The following ZRANB3 variants were observed in gnomAD, a reference collection of about 807,000 sequenced individuals.
The protein encoded by ZRANB3 is DNA annealing helicase and endonuclease ZRANB3.
Under a neutral mutation model 133.8 loss-of-function variants are expected in ZRANB3, and 125 were observed. The ratio of observed to expected loss-of-function variants is 0.93; its 90% confidence interval spans 0.81 to 1.08. The LOEUF (loss-of-function observed/expected upper bound fraction) is 1.08. Ranked by LOEUF, ZRANB3 falls within the 50% of genes least tolerant of loss-of-function variation. The pLI, the probability that ZRANB3 is intolerant of heterozygous loss-of-function variation, is 0.00. For synonymous variants in ZRANB3, 387 were observed against 432.7 expected (o/e 0.89, Z 1.31); for missense variants, 1,229 against 1,275.5 (o/e 0.96, Z 0.56).
At chr2:135,442,451 A>G (rs1689822362) in intron 2 of ZRANB3, among the ~76,000 whole-genome samples, 1 of 152,242 alleles carries the variant, frequency 6.6e-6, no homozygotes, top group Admixed American at 6.5e-5. Context: ...AAAAATCCTC[A>G]TCATCACTGG....
At chr2:135,206,343 G>A (rs1371199715) in intron 19 of ZRANB3, among the ~76,000 whole-genome samples, 1 of 151,692 alleles carries the variant, frequency 6.6e-6, no homozygotes, top group Admixed American at 6.6e-5. Context: ...AGGTTCAAGC[G>A]ATTCTTCTGC....
intron 3 of ZRANB3, among the ~76,000 whole-genome samples, chr2:135,358,194 T>C (rs1217837113): frequency 6.6e-6 from 1 of 152,128 alleles, no homozygotes; most frequent in Non-Finnish European, 1.5e-5. Context: ...TCTAGGTTTC[T>C]TGGGATCTCA....
At position 135,484,403 on chromosome 2, in the gene ZRANB3, C is replaced by T. The variant is rs562738400; in HGVS notation, c.161+19926G>A. Among the ~76,000 whole-genome samples, 3 of 152,206 alleles carry T rather than the reference C, an allele frequency of 2.0e-5. No individual in the cohort carries two copies. In the South Asian group the frequency reaches 6.2e-4, roughly 32 times the overall value. ...AAGTACATGACAAATAGCAAATGTT[C>T]TTGTTCAACTGTATACTATAAATTT... On this transcript the variant is annotated intron_variant, in intron 2 of 20. Transcript: ENST00000264159.
At chr2:135,482,818 C>T (rs908198220) in intron 2 of ZRANB3, among the ~76,000 whole-genome samples, 22 of 152,262 alleles carry the variant, frequency 1.4e-4, no homozygotes, top group Admixed American at 3.9e-4. Context: ...TGAGAGTTTT[C>T]AGCATGAAGG....
chr2:135,329,070 C>A (rs932365698), intron 6 of ZRANB3, among the ~76,000 whole-genome samples: 1 of 152,172 alleles, frequency 6.6e-6, no homozygotes, highest in African/African-American at 2.4e-5. Flanking sequence ...TTAATTAGAT[C>A]CCATTTGTCT....
chr2:135,434,471 G>A (rs1181959258), intron 2 of ZRANB3, among the ~76,000 whole-genome samples: 4 of 152,348 alleles, frequency 2.6e-5, no homozygotes, highest in Non-Finnish European at 5.9e-5. Context: ...ATTGGAGAAG[G>A]AAGATAATCT....
At chr2:135,330,861 C>T (rs145476191) in intron 6 of ZRANB3, among the ~76,000 whole-genome samples, 15,979 of 151,938 alleles carry the variant, frequency 0.11, 1,101 homozygotes, top group South Asian at 0.32. Flanking sequence ...TATTCTCTGA[C>T]GGTAGTTTGT....
chr2:135,266,820 G>A (rs1461115953), intron 11 of ZRANB3, among the ~76,000 whole-genome samples: 1 of 151,598 alleles, frequency 6.6e-6, no homozygotes, highest in Non-Finnish European at 1.5e-5. Context: ...TCTGTCTGAA[G>A]CCTGCTACCT....
chr2:135,253,846 C>G (rs1387469385), intron 12 of ZRANB3, among the ~76,000 whole-genome samples: 1 of 152,188 alleles, frequency 6.6e-6, no homozygotes, highest in Non-Finnish European at 1.5e-5. Flanking sequence ...TCCCAAGTAG[C>G]ACTGCCTCCA....
chr2:135,325,408 C>T (rs189828668), intron 6 of ZRANB3, among the ~76,000 whole-genome samples: 1 of 152,122 alleles, frequency 6.6e-6, no homozygotes, highest in Admixed American at 6.5e-5. Context: ...AAGAGGCATG[C>T]CAACTATTTT....
chr2:135,344,208 T>G (rs1684820537), intron 6 of ZRANB3, among the ~76,000 whole-genome samples: 1 of 152,160 alleles, frequency 6.6e-6, no homozygotes. Context: ...AACTGAGGTA[T>G]GAGGAGATAA....
At chr2:135,215,196 G>A (rs1283562477) in intron 17 of ZRANB3, among the ~76,000 whole-genome samples, 1 of 152,150 alleles carries the variant, frequency 6.6e-6, no homozygotes, top group Non-Finnish European at 1.5e-5. Flanking sequence ...AGGATTACAG[G>A]TGTGAGCCAC....
intron 3 of ZRANB3, among the ~76,000 whole-genome samples, chr2:135,368,578 A>C (rs760439769): frequency 6.6e-6 from 1 of 152,064 alleles, no homozygotes; most frequent in Non-Finnish European, 1.5e-5. Flanking sequence ...AAAGTAAGAT[A>C]GCTGGGTGAC....
intron 1 of ZRANB3, chr2:135,511,906 C>T (rs977871210): frequency 4.9e-5 from 38 of 768,626 alleles, no homozygotes; most frequent in Middle Eastern, 2.4e-4. Flanking sequence ...CACAAATTCC[C>T]ACCCAACCAG....
chr2:135,518,838 A>G (rs906229044), intron 1 of ZRANB3, among the ~76,000 whole-genome samples: 1 of 152,262 alleles, frequency 6.6e-6, no homozygotes, highest in Middle Eastern at 3.4e-3. Context: ...GAGAAGATCT[A>G]TCTGCTGAGA....
At chr2:135,204,647 A>T (rs1693776163) in intron 19 of ZRANB3, among the ~76,000 whole-genome samples, 1 of 136,862 alleles carries the variant, frequency 7.3e-6, no homozygotes, top group African/African-American at 2.9e-5. Context: ...CTCAAAAAAA[A>T]AAAATATATA....
At position 135,350,142 on chromosome 2, in the gene ZRANB3, C is replaced by T. The variant is rs1439469766; in HGVS notation, c.433G>A (p.Ala145Thr). 1.2e-6 allele frequency: 2 copies of T among 1,613,236 alleles called. No individual in the cohort carries two copies. The highest frequency in any genetic ancestry group is 3.3e-5 in the Admixed American group (2 of 59,956). ...ACTTTGAAGTTCTGATTATTCAGTG[C>T]ATCTATCAAAGTCTTTGCATCTGCG... ...LTADAKTLIDALNNQNFKVVI... is the reference protein window; with the variant it reads ...LTADAKTLIDTLNNQNFKVVI... Residue 145 changes from alanine to threonine, a missense_variant, in exon 5 of 21, where the codon GCA becomes ACA. Transcript: ENST00000264159.
At chr2:135,355,617 A>C (rs1188997298) in intron 3 of ZRANB3, among the ~76,000 whole-genome samples, 2 of 152,072 alleles carry the variant, frequency 1.3e-5, no homozygotes, top group African/African-American at 4.8e-5. Flanking sequence ...TCGGCCTCCC[A>C]AAGTGCTGGG....
intron 12 of ZRANB3, among the ~76,000 whole-genome samples, chr2:135,235,548 G>C (rs1695246951): frequency 6.6e-6 from 1 of 151,942 alleles, no homozygotes; most frequent in African/African-American, 2.4e-5. Flanking sequence ...ATAAAATACT[G>C]GCAAACCGAA....
Sources: gnomAD v4.1 joint callset for allele counts (sites outside exome capture counted in the v4.1 genomes callset) on GRCh38, gnomAD v4.1.1 for gene constraint, MANE v1.5 for transcripts, NCBI Gene and HGNC (gene_info 2026-07-23, HGNC 2026-07-21) for gene names.